Variants in EVL observed in about 807,000 individuals in gnomAD.
EVL encodes the protein Enah/Vasp-like, also known as ena/VASP-like protein.
Under a neutral mutation model 59.6 loss-of-function variants are expected in EVL, and 21 were observed. That is an observed-to-expected ratio of 0.35 (90% CI 0.25 to 0.51). The LOEUF (loss-of-function observed/expected upper bound fraction) is 0.51, where lower values mean the gene tolerates loss of function less well. Among genes scored for constraint, EVL ranks in the 20% least tolerant of loss-of-function variants. EVL has a pLI of 0.97. For missense variants in EVL, 462 were observed against 546.6 expected, an observed-to-expected ratio of 0.85 and a Z score of 1.54; for synonymous variants, 198 against 203.5, an observed-to-expected ratio of 0.97 and a Z score of 0.23.
intron 3 of EVL, among the ~76,000 whole-genome samples, chr14:100,099,388 A>C (rs970616614): frequency 2.6e-5 from 4 of 151,346 alleles, no homozygotes; most frequent in Admixed American, 1.3e-4. Context: ...ACACACACCC[A>C]CACACACACA....
intron 1 of EVL, among the ~76,000 whole-genome samples, chr14:100,028,136 T>TG (rs1555413994): frequency 1.7e-5 from 2 of 121,000 alleles, no homozygotes; most frequent in South Asian, 2.3e-4. Flanking sequence ...GTTTGTTTGT[T>TG]TTTTTTTTTT....
chr14:99,990,395 G>A (rs1448948717), intron 1 of EVL, among the ~76,000 whole-genome samples: 1 of 152,086 alleles, frequency 6.6e-6, no homozygotes, highest in Non-Finnish European at 1.5e-5. Context: ...TAAGTGTACA[G>A]TTCATTAGCG....
rs957326630 is a variant in EVL, at chr14:100,127,060, C to T, written c.487+289C>T. On this transcript the variant is annotated intron_variant, in intron 5 of 13. Coordinates refer to ENST00000392920, the MANE Select transcript of EVL (RefSeq NM_016337.3). This position sits in a 1 kb window ranked among gnomAD's most constrained non-coding sequence, Gnocchi z 4.2. ...ACCGTGCTAAGGGCTGGGGACACAA[C>T]TATGACTGCAGATGCAGTTCCTGCC... Among the ~76,000 whole-genome samples the T allele has an allele frequency of 1.1e-4, 16 of 152,240 alleles. No individual in the cohort carries two copies. The highest frequency in any genetic ancestry group is 3.4e-4 in the African/African-American group (14 of 41,466).
intron 1 of EVL, among the ~76,000 whole-genome samples, chr14:99,981,791 G>C (rs1473567034): frequency 6.6e-6 from 1 of 152,192 alleles, no homozygotes; most frequent in Non-Finnish European, 1.5e-5. Context: ...TGAGCATAGG[G>C]TATTGGAAAA....
chr14:100,099,743 T>C (rs56034700), intron 3 of EVL, among the ~76,000 whole-genome samples: 2 of 147,428 alleles, frequency 1.4e-5, no homozygotes, highest in Non-Finnish European at 1.5e-5. Context: ...TTTTTTTTTT[T>C]AATTTTATTT....
intron 1 of EVL, among the ~76,000 whole-genome samples, chr14:100,045,495 G>T (rs186799735): frequency 6.6e-6 from 1 of 152,304 alleles, no homozygotes; most frequent in Admixed American, 6.5e-5. Flanking sequence ...GAACTCTCTC[G>T]TGTAGGTCAC....
intron 2 of EVL, among the ~76,000 whole-genome samples, chr14:100,089,329 A>C (rs997887711): frequency 6.6e-6 from 1 of 152,268 alleles, no homozygotes; most frequent in Non-Finnish European, 1.5e-5. Context: ...TGTACGATGC[A>C]TAGTCTTCTC....
In EVL at chr14:100,143,664, C is replaced by T. The variant is rs201629262; in HGVS notation, c.1220-37C>T. 5.3e-4 allele frequency: 826 copies of T among 1,565,914 alleles called. 5 individuals carry two copies. The Middle Eastern group carries it at 0.014, about 27-fold the overall frequency. On this transcript the variant is annotated intron_variant, in intron 13 of 13. Coordinates refer to ENST00000392920, the MANE Select transcript of EVL (RefSeq NM_016337.3). ...TGATGAGGAACCGGGCTGCACTGGTCATGGCTGCACCTGAGCCGCCGCCAC... is the reference window on the plus strand; with the variant it reads ...TGATGAGGAACCGGGCTGCACTGGTTATGGCTGCACCTGAGCCGCCGCCAC...
At chr14:100,123,742 CA>C in intron 4 of EVL, 140 bp downstream of exon 4, 1 of 762,224 alleles carries the variant, frequency 1.3e-6, no homozygotes, top group Non-Finnish European at 2.1e-6. Context: ...GTGCAAGGTG[CA>C]AGCCAGACCA....
chr14:100,139,180 G>A (rs963288708), intron 11 of EVL: 4 of 152,392 alleles, frequency 2.6e-5, no homozygotes, highest in African/African-American at 4.8e-5. Flanking sequence ...CGCTCCCAGC[G>A]GACTCCGCCA....
chr14:99,987,905 A>ATTTTT (rs774580760), intron 1 of EVL, among the ~76,000 whole-genome samples: 2 of 103,820 alleles, frequency 1.9e-5, no homozygotes, highest in Non-Finnish European at 1.8e-5. Flanking sequence ...AGACAACCCA[A>ATTTTT]TTTTTTTTTT....
At chr14:99,978,902 A>G (rs1238618679) in intron 1 of EVL, among the ~76,000 whole-genome samples, 4 of 152,228 alleles carry the variant, frequency 2.6e-5, no homozygotes, top group Admixed American at 6.5e-5. Context: ...CAAGTGAGCT[A>G]AACACTCGAG....
At chr14:100,137,459 C>T (rs1888871000) in intron 9 of EVL, 119 bp from the exon 10 acceptor site, 1 of 1,072,070 alleles carries the variant, frequency 9.3e-7, no homozygotes, top group East Asian at 2.4e-5. Flanking sequence ...GACCTTCCTG[C>T]CACGGGGCTC....
intron 1 of EVL, chr14:100,019,626 A>G: frequency 6.6e-7 from 1 of 1,524,694 alleles, no homozygotes; most frequent in Non-Finnish European, 8.8e-7. Flanking sequence ...TACCAAAAAG[A>G]CTACCACACA....
intron 8 of EVL, among the ~76,000 whole-genome samples, chr14:100,133,654 C>T (rs924565461): frequency 3.9e-5 from 6 of 152,232 alleles, no homozygotes; most frequent in African/African-American, 1.4e-4. Context: ...AAAACAGCCT[C>T]CCGGCCGGCT....
At chr14:100,011,228 C>T (rs1268879645) in intron 1 of EVL, among the ~76,000 whole-genome samples, 3 of 152,148 alleles carry the variant, frequency 2.0e-5, no homozygotes, top group Non-Finnish European at 4.4e-5. Flanking sequence ...TGTGCCCTTT[C>T]AGTGTCACTC....
intron 1 of EVL, among the ~76,000 whole-genome samples, chr14:99,987,860 C>T (rs1452972244): frequency 6.6e-6 from 1 of 150,860 alleles, no homozygotes; most frequent in African/African-American, 2.4e-5. Context: ...TTTGTTATAG[C>T]AGCTTGAATA....
At chr14:99,980,430 GC>G (rs954403097) in intron 1 of EVL, among the ~76,000 whole-genome samples, 36 of 152,282 alleles carry the variant, frequency 2.4e-4, no homozygotes, top group African/African-American at 8.7e-4. Flanking sequence ...CTCCCCCGGG[GC>G]CAGCCTTGTA....
chr14:100,093,534 T>C (rs2062608447), intron 2 of EVL, among the ~76,000 whole-genome samples: 1 of 152,182 alleles, frequency 6.6e-6, no homozygotes, highest in Admixed American at 6.5e-5. Flanking sequence ...CAGCAGTTGG[T>C]GAGCAGCCTT....
Sources: allele counts gnomAD v4.1 joint callset (sites outside exome capture counted in the v4.1 genomes callset), GRCh38; gene constraint gnomAD v4.1.1; non-coding constraint Gnocchi (gnomAD v3.1); transcripts MANE v1.5; gene names NCBI Gene and HGNC (gene_info 2026-07-23, HGNC 2026-07-21).